Variants in VSX2 observed in about 807,000 individuals in gnomAD.
VSX2 encodes ceh-10 homeo domain containing homolog.
VSX2 carries 28 observed loss-of-function variants against 32.1 expected under a neutral mutation model. That is an observed-to-expected ratio of 0.87 (90% CI 0.65 to 1.20). The LOEUF (loss-of-function observed/expected upper bound fraction) is 1.20. VSX2 is among the 50% of genes most tolerant of loss of function. The pLI, the probability that VSX2 is intolerant of heterozygous loss-of-function variation, is 0.00. For missense variants in VSX2, 506 were observed against 488.7 expected, an observed-to-expected ratio of 1.04 and a Z score of -0.33; for synonymous variants, 243 against 214.1, an observed-to-expected ratio of 1.14 and a Z score of -1.18.
chr14:74,258,539 C>A (rs926370864), intron 3 of VSX2, among the ~76,000 whole-genome samples: 53 of 152,260 alleles, frequency 3.5e-4, no homozygotes, highest in African/African-American at 1.2e-3. Flanking sequence ...CCCCCGGGGT[C>A]TGAGCCTTTA....
intron 3 of VSX2, among the ~76,000 whole-genome samples, chr14:74,249,853 G>A (rs575069974): frequency 4.6e-5 from 7 of 152,214 alleles, no homozygotes; most frequent in South Asian, 2.1e-4. Context: ...ACTCCACATC[G>A]CTCTGGGCTG....
chr14:74,245,404 G>A, intron 3 of VSX2, 116 bp downstream of exon 3: 1 of 1,421,960 alleles, frequency 7.0e-7, no homozygotes, highest in Non-Finnish European at 9.7e-7. Flanking sequence ...GCATGTGCTT[G>A]CCTATGATCA....
chr14:74,247,484 G>A (rs962323089), intron 3 of VSX2, among the ~76,000 whole-genome samples: 4 of 152,292 alleles, frequency 2.6e-5, no homozygotes, highest in East Asian at 3.9e-4. Context: ...TGCCTGGCAC[G>A]TGCCCCCAGC....
Position 74,259,757 on chromosome 14 carries a change from G to C in VSX2, c.735G>C (p.Met245Ile). Residue 245 changes from methionine to isoleucine, a missense_variant, in exon 4 of 5, where the codon ATG becomes ATC. By Grantham distance (10) the Met-to-Ile change is conservative (BLOSUM62 1). Coordinates refer to ENST00000261980, the MANE Select transcript of VSX2 (RefSeq NM_182894.3). ...TCAAGTCAGCCAAGGATGGCATCAT[G>C]GACTCCTGTGCCCCGTGGCTACTGG... ...SILKSAKDGI[M>I]DSCAPWLLGM... is the part of the protein sequence containing the mutation. 1 of 1,613,670 alleles carries C rather than the reference G, an allele frequency of 6.2e-7. No individual in the cohort carries two copies. Among genetic ancestry groups the C allele is most frequent in the Non-Finnish European group, 8.5e-7 (1 of 1,179,788 alleles).
chr14:74,245,295 G>T lies in VSX2; in HGVS notation c.579+7G>T. ...GCCGGAAGACAGGATACAGGTAACAGCCCTGAGCCCCTCTCCCCTCCACTC... is the reference window on the plus strand; with the variant it reads ...GCCGGAAGACAGGATACAGGTAACATCCCTGAGCCCCTCTCCCCTCCACTC... On this transcript the variant is annotated splice_region_variant and intron_variant, in intron 3 of 4. Coordinates refer to ENST00000261980, the MANE Select transcript of VSX2 (RefSeq NM_182894.3). 1 of 1,613,308 alleles carries T rather than the reference G, an allele frequency of 6.2e-7. No individual in the cohort carries two copies. Among genetic ancestry groups the T allele is most frequent in the Non-Finnish European group, 8.5e-7 (1 of 1,179,754 alleles).
intron 3 of VSX2, among the ~76,000 whole-genome samples, chr14:74,252,592 T>C (rs1253617399): frequency 2.6e-5 from 4 of 151,884 alleles, no homozygotes; most frequent in Non-Finnish European, 4.4e-5. Flanking sequence ...GGTTCCACCA[T>C]GTTGGCCAGG....
intron 2 of VSX2, 132 bp from the exon 3 acceptor site, chr14:74,245,033 T>G: frequency 1.0e-6 from 1 of 969,164 alleles, no homozygotes; most frequent in Non-Finnish European, 1.6e-6. Flanking sequence ...AGAGAGAATT[T>G]GTGTCCTATT....
intron 3 of VSX2, among the ~76,000 whole-genome samples, chr14:74,248,555 G>T (rs1294538814): frequency 3.9e-5 from 6 of 151,978 alleles, no homozygotes; most frequent in Non-Finnish European, 7.4e-5. Context: ...GCCGAGCATG[G>T]TGATGTAAGC....
intron 3 of VSX2, among the ~76,000 whole-genome samples, chr14:74,251,457 G>T (rs1056965828): frequency 6.6e-6 from 1 of 152,072 alleles, no homozygotes; most frequent in African/African-American, 2.4e-5. Context: ...TCTCAAAAAA[G>T]CAACAAAAAC....
chr14:74,239,561 G>C lies in VSX2; in HGVS notation c.-1G>C. The C allele has an allele frequency of 6.4e-7, 1 of 1,551,196 alleles. No homozygotes were observed. The highest frequency in any genetic ancestry group is 8.7e-7 in the Non-Finnish European group (1 of 1,146,982). ...CCTCAGCCCCTCCAAAGAACAGGGAGATGACGGGGAAAGCAGGGGAAGCGC... is the reference window on the plus strand; with the variant it reads ...CCTCAGCCCCTCCAAAGAACAGGGACATGACGGGGAAAGCAGGGGAAGCGC... On this transcript the variant is annotated 5_prime_UTR_variant, in exon 1 of 5. Transcript: ENST00000261980.
Position 74,239,888 on chromosome 14 carries a change from C to A in VSX2, c.327C>A (p.Gly109=). 6.4e-7 allele frequency: 1 copy of A among 1,574,374 alleles called. No homozygotes were observed. The highest frequency in any genetic ancestry group is 1.8e-5 in the Admixed American group (1 of 54,094). ...DPQSVHLQPL[G]RASGPLDTSQ... Reference sequence around the variant, plus strand: ...AGAGCGTCCACTTGCAGCCATTGGGCAGAGCATCGGGGCCGCTGGACACCA... The same window carrying A: ...AGAGCGTCCACTTGCAGCCATTGGGAAGAGCATCGGGGCCGCTGGACACCA... The change falls in exon 1 of 5, where the codon GGC becomes GGA. Residue 109 remains glycine (G), a synonymous_variant. Coordinates refer to ENST00000261980, the MANE Select transcript of VSX2 (RefSeq NM_182894.3).
At chr14:74,249,483 T>G (rs1051282191) in intron 3 of VSX2, among the ~76,000 whole-genome samples, 1 of 152,226 alleles carries the variant, frequency 6.6e-6, no homozygotes, top group African/African-American at 2.4e-5. Flanking sequence ...TTGGCCAGGC[T>G]GGTCTCGAAC....
chr14:74,257,715 C>A (rs946518693), intron 3 of VSX2, among the ~76,000 whole-genome samples: 3 of 149,372 alleles, frequency 2.0e-5, no homozygotes, highest in Non-Finnish European at 3.0e-5. Context: ...GACCACCCCC[C>A]ACCCACTTCC....
At position 74,259,776 on chromosome 14, in the gene VSX2, C is replaced by T. The variant is rs765946690; in HGVS notation, c.754C>T (p.Leu252=). 4.3e-6 allele frequency: 7 copies of T among 1,610,572 alleles called. No individual in the cohort carries two copies. The highest frequency in any genetic ancestry group is 5.9e-6 in the Non-Finnish European group (7 of 1,179,062). The change falls in exon 4 of 5, where the codon CTA becomes TTA. Residue 252 remains leucine (L), a synonymous_variant. Transcript: ENST00000261980. ...DGIMDSCAPW[L]LGMHKKSLEA... is the part of the protein sequence containing the mutation. ...CATCATGGACTCCTGTGCCCCGTGGCTACTGGGTAAGAGCCCGCACCCTCC... is the reference window on the plus strand; with the variant it reads ...CATCATGGACTCCTGTGCCCCGTGGTTACTGGGTAAGAGCCCGCACCCTCC...
intron 3 of VSX2, among the ~76,000 whole-genome samples, chr14:74,256,669 C>CTT (rs34012116): frequency 2.5e-4 from 23 of 93,080 alleles, no homozygotes; most frequent in Admixed American, 1.4e-3. Flanking sequence ...GGGAGTCATA[C>CTT]TTTTTTTTTT....
chr14:74,244,402 G>A (rs919653384), intron 2 of VSX2, among the ~76,000 whole-genome samples: 1 of 152,052 alleles, frequency 6.6e-6, no homozygotes, highest in African/African-American at 2.4e-5. Flanking sequence ...AAAAGGCTCG[G>A]GGCAGTGCTG....
At chr14:74,256,612 C>G (rs2079264120) in intron 3 of VSX2, among the ~76,000 whole-genome samples, 1 of 151,934 alleles carries the variant, frequency 6.6e-6, no homozygotes, top group Non-Finnish European at 1.5e-5. Flanking sequence ...AATTCCATCA[C>G]CAGGGGATTC....
intron 3 of VSX2, among the ~76,000 whole-genome samples, chr14:74,249,559 C>G (rs1402141403): frequency 1.3e-5 from 2 of 152,152 alleles, no homozygotes; most frequent in Non-Finnish European, 2.9e-5. Flanking sequence ...TGTAAACCAC[C>G]ATGCCCGGCA....
intron 2 of VSX2, among the ~76,000 whole-genome samples, chr14:74,243,413 T>C (rs2079164025): frequency 6.6e-6 from 1 of 152,098 alleles, no homozygotes; most frequent in South Asian, 2.1e-4. Context: ...CTCTGAGGCA[T>C]GAATTAGGGA....
Sources: gnomAD v4.1 joint callset for allele counts (sites outside exome capture counted in the v4.1 genomes callset) on GRCh38, gnomAD v4.1.1 for gene constraint, MANE v1.5 for transcripts, NCBI Gene and HGNC (gene_info 2026-07-23, HGNC 2026-07-21) for gene names.